SGCZ: variants seen among roughly 807,000 people sequenced by gnomAD.
SGCZ encodes the protein zeta-sarcoglycan.
SGCZ carries 40 observed loss-of-function variants against 41.3 expected under a neutral mutation model. That is an observed-to-expected ratio of 0.97 (90% CI 0.75 to 1.26). The LOEUF (loss-of-function observed/expected upper bound fraction) is 1.26. Ranked by LOEUF, SGCZ falls within the 50% of genes most tolerant of loss-of-function variation. The pLI is 0.00. For synonymous variants in SGCZ, 206 were observed against 137.5 expected (o/e 1.50, Z -3.49); for missense variants, 552 against 369.8 (o/e 1.49, Z -4.04).
chr8:14,942,591 A>C (rs1240661753), intron 1 of SGCZ, among the ~76,000 whole-genome samples: 1 of 152,116 alleles, frequency 6.6e-6, no homozygotes, highest in African/African-American at 2.4e-5. Flanking sequence ...TGTTCATTGG[A>C]AAAAAACGAC....
intron 1 of SGCZ, among the ~76,000 whole-genome samples, chr8:15,119,334 C>T (rs1807391394): frequency 6.6e-6 from 1 of 151,910 alleles, no homozygotes. Flanking sequence ...AATTTGAGGC[C>T]ATCCTAGACA....
intron 2 of SGCZ, chr8:14,487,830 A>G (rs763036040): frequency 3.3e-5 from 5 of 151,158 alleles, no homozygotes; most frequent in Non-Finnish European, 5.9e-5. Flanking sequence ...GGGGCCTGCT[A>G]GTGTTGTCTG....
At chr8:14,562,226 T>A (rs901100444) in intron 1 of SGCZ, among the ~76,000 whole-genome samples, 1 of 152,162 alleles carries the variant, frequency 6.6e-6, no homozygotes. Flanking sequence ...TACTTCAGTA[T>A]TTTTATATAA....
At chr8:15,065,053 T>C (rs910784623) in intron 1 of SGCZ, among the ~76,000 whole-genome samples, 11 of 152,144 alleles carry the variant, frequency 7.2e-5, no homozygotes, top group African/African-American at 2.7e-4. Flanking sequence ...GACTTCCAAA[T>C]GCAAAAATCT....
At chr8:14,864,077 G>A (rs530760397) in intron 1 of SGCZ, among the ~76,000 whole-genome samples, 1 of 152,210 alleles carries the variant, frequency 6.6e-6, no homozygotes, top group South Asian at 2.1e-4. Flanking sequence ...GTAGCATAAA[G>A]TTACTAAATT....
chr8:14,883,524 A>G (rs1239931908), intron 1 of SGCZ, among the ~76,000 whole-genome samples: 1 of 152,180 alleles, frequency 6.6e-6, no homozygotes, highest in Non-Finnish European at 1.5e-5. Context: ...TTTATTTAGT[A>G]ATGACAAAGG....
chr8:14,767,287 A>G (rs1800067589), intron 1 of SGCZ, among the ~76,000 whole-genome samples: 1 of 152,136 alleles, frequency 6.6e-6, no homozygotes. Context: ...TAGGTGACTG[A>G]ATCACAGGAG....
intron 1 of SGCZ, among the ~76,000 whole-genome samples, chr8:14,845,309 C>T (rs1405340727): frequency 6.6e-6 from 1 of 152,112 alleles, no homozygotes; most frequent in Non-Finnish European, 1.5e-5. Flanking sequence ...CCAGACATGC[C>T]TAACAATTCT....
chr8:14,941,488 G>A (rs1423494574), intron 1 of SGCZ, among the ~76,000 whole-genome samples: 2 of 152,012 alleles, frequency 1.3e-5, no homozygotes, highest in South Asian at 2.1e-4. Context: ...GAGTAACATG[G>A]ATAGTATGTT....
At chr8:14,713,788 A>G (rs1409725805) in intron 1 of SGCZ, among the ~76,000 whole-genome samples, 2 of 151,812 alleles carry the variant, frequency 1.3e-5, no homozygotes, top group Non-Finnish European at 2.9e-5. Context: ...TTAATTTGTT[A>G]TTGTCACTAA....
intron 5 of SGCZ, among the ~76,000 whole-genome samples, chr8:14,158,881 G>C (rs545191863): frequency 6.6e-6 from 1 of 152,140 alleles, no homozygotes; most frequent in East Asian, 1.9e-4. Flanking sequence ...TGATCCTCCT[G>C]CCTCAGCCTC....
chr8:14,852,642 A>G (rs752828128), intron 1 of SGCZ, among the ~76,000 whole-genome samples: 14 of 152,178 alleles, frequency 9.2e-5, no homozygotes, highest in Non-Finnish European at 1.9e-4. Flanking sequence ...AGATGCCTAT[A>G]GTCTCCCCTA....
intron 2 of SGCZ, among the ~76,000 whole-genome samples, chr8:14,353,231 T>A (rs951301169): frequency 3.9e-5 from 6 of 152,124 alleles, no homozygotes; most frequent in Non-Finnish European, 7.4e-5. Context: ...AGCAAAGCAC[T>A]TGAGACATTT....
chr8:14,120,522 T>C (rs1323591016), intron 5 of SGCZ, among the ~76,000 whole-genome samples: 2 of 152,136 alleles, frequency 1.3e-5, no homozygotes, highest in Non-Finnish European at 2.9e-5. Context: ...ACCACTTTAA[T>C]TCAACTCTAT....
intron 1 of SGCZ, among the ~76,000 whole-genome samples, chr8:14,876,709 G>A (rs1804369799): frequency 6.6e-6 from 1 of 152,106 alleles, no homozygotes; most frequent in Non-Finnish European, 1.5e-5. Flanking sequence ...AACTTTTATT[G>A]GCTTTGAACC....
rs1475019952 is a variant in SGCZ at position 14,322,990 on chromosome 8, G to T, written c.336+1113C>A. Among the ~76,000 whole-genome samples the T allele has an allele frequency of 3.3e-5, 5 of 152,084 alleles. No homozygotes were observed. In the East Asian group the frequency reaches 7.7e-4, roughly 24 times the overall value. On this transcript the variant is annotated intron_variant, in intron 3 of 7. Transcript: ENST00000382080. ...TTAAAAGTTTAATTATGTAAGGTCA[G>T]GTATTCATACATCTGTCTACTGTGT...
intron 3 of SGCZ, 142 bp downstream of exon 3, chr8:14,323,961 A>G: frequency 1.8e-6 from 1 of 568,018 alleles, no homozygotes; most frequent in Non-Finnish European, 3.1e-6. Context: ...TGATGTTATC[A>G]TTTTGATTTC....
chr8:14,385,190 G>A (rs1804528495), intron 2 of SGCZ, among the ~76,000 whole-genome samples: 1 of 152,096 alleles, frequency 6.6e-6, no homozygotes, highest in African/African-American at 2.4e-5. Flanking sequence ...ATAGATTAGT[G>A]AACATGGAGT....
chr8:14,253,379 A>C (rs1353151354), intron 3 of SGCZ, among the ~76,000 whole-genome samples: 1 of 152,112 alleles, frequency 6.6e-6, no homozygotes, highest in Non-Finnish European at 1.5e-5. Flanking sequence ...ATAAAAGCAT[A>C]GTGCTTACTT....
Sources: gnomAD v4.1 joint callset for allele counts (sites outside exome capture counted in the v4.1 genomes callset) on GRCh38, gnomAD v4.1.1 for gene constraint, MANE v1.5 for transcripts, NCBI Gene and HGNC (gene_info 2026-07-23, HGNC 2026-07-21) for gene names.